The following BMPR1B variants were observed in gnomAD, a reference collection of about 807,000 sequenced individuals.
BMPR1B encodes bone morphogenetic protein receptor type-1B.
BMPR1B carries 12 observed loss-of-function variants against 59.1 expected under a neutral mutation model. That is an observed-to-expected ratio of 0.20 (90% CI 0.13 to 0.33). BMPR1B has a LOEUF of 0.33. Ranked by LOEUF, BMPR1B falls within the 10% of genes least tolerant of loss-of-function variation. BMPR1B has a pLI of 1.00. For synonymous variants in BMPR1B, 237 were observed against 207.3 expected (o/e 1.14, Z -1.23); for missense variants, 550 against 610.9 (o/e 0.90, Z 1.05).
chr4:95,033,429 T>C (rs1189134286), intron 3 of BMPR1B, among the ~76,000 whole-genome samples: 1 of 152,152 alleles, frequency 6.6e-6, no homozygotes, highest in Admixed American at 6.6e-5. Context: ...TTAGCTCTTA[T>C]GTTTAGGTCT....
intron 1 of BMPR1B, among the ~76,000 whole-genome samples, chr4:94,759,888 AAATT>A (rs2110553151): frequency 6.6e-6 from 1 of 152,316 alleles, no homozygotes; most frequent in South Asian, 2.1e-4. Flanking sequence ...CATAGCTGGG[AAATT>A]AATTGCTCTG....
chr4:95,084,810 G>T (rs757291705), intron 3 of BMPR1B, among the ~76,000 whole-genome samples: 1 of 152,070 alleles, frequency 6.6e-6, no homozygotes, highest in Non-Finnish European at 1.5e-5. Context: ...CAAATGTATC[G>T]TGAGAACCTG....
intron 2 of BMPR1B, among the ~76,000 whole-genome samples, chr4:94,936,053 T>A (rs1729282791): frequency 6.6e-6 from 1 of 152,170 alleles, no homozygotes; most frequent in Admixed American, 6.5e-5. Flanking sequence ...CTTGAAGTGA[T>A]GTGCCTTGTA....
At chr4:95,049,896 G>C (rs1318980808) in intron 3 of BMPR1B, among the ~76,000 whole-genome samples, 10 of 152,054 alleles carry the variant, frequency 6.6e-5, no homozygotes, top group Non-Finnish European at 7.4e-5. Context: ...AATCAGAAAT[G>C]GTTGCTGATA....
intron 2 of BMPR1B, among the ~76,000 whole-genome samples, chr4:94,980,565 A>G (rs1731197963): frequency 6.6e-6 from 1 of 152,050 alleles, no homozygotes; most frequent in Non-Finnish European, 1.5e-5. Flanking sequence ...AGATGTGTGC[A>G]TTAGGTGAAT....
chr4:94,815,004 A>C (rs1420680937), intron 1 of BMPR1B, among the ~76,000 whole-genome samples: 10 of 152,000 alleles, frequency 6.6e-5, no homozygotes, highest in Non-Finnish European at 1.5e-4. Context: ...CCTAGGTTCA[A>C]GCTATTCTCC....
intron 2 of BMPR1B, among the ~76,000 whole-genome samples, chr4:94,925,980 C>CCTCCCTCCCCTTTCCTCCTCTTT (rs1728869970): frequency 1.3e-5 from 2 of 149,510 alleles, no homozygotes; most frequent in Non-Finnish European, 3.0e-5. Flanking sequence ...CTCCTCCCTT[C>CCTCCCTCCCCTTTCCTCCTCTTT]CTCCCTCCCC....
chr4:94,930,035 T>C (rs535093095), intron 2 of BMPR1B, among the ~76,000 whole-genome samples: 2 of 152,220 alleles, frequency 1.3e-5, no homozygotes, highest in East Asian at 3.9e-4. Context: ...TTAATACTTC[T>C]CAGGTATGTC....
At chr4:95,130,160 A>C in intron 9 of BMPR1B, 106 bp downstream of exon 9, 3 of 1,368,174 alleles carry the variant, frequency 2.2e-6, no homozygotes, top group Non-Finnish European at 3.1e-6. Flanking sequence ...TGCGAAATGT[A>C]TTGAAGTTTT....
chr4:94,856,850 T>C (rs1473510504), intron 1 of BMPR1B, among the ~76,000 whole-genome samples: 2 of 152,214 alleles, frequency 1.3e-5, no homozygotes, highest in African/African-American at 2.4e-5. Flanking sequence ...TTTGAAATAT[T>C]TGTAATGACT....
chr4:95,099,298 A>G (rs1187518001), intron 3 of BMPR1B, among the ~76,000 whole-genome samples: 2 of 152,128 alleles, frequency 1.3e-5, no homozygotes, highest in African/African-American at 4.8e-5. Flanking sequence ...CCACATCAGG[A>G]TATGTGACTA....
intron 2 of BMPR1B, among the ~76,000 whole-genome samples, chr4:94,975,128 G>A (rs192232008): frequency 6.6e-6 from 1 of 152,164 alleles, no homozygotes; most frequent in Admixed American, 6.5e-5. Flanking sequence ...CTCAGGATGT[G>A]GGCTTTGGTG....
At chr4:94,853,394 T>C (rs1725635634) in intron 1 of BMPR1B, among the ~76,000 whole-genome samples, 1 of 152,166 alleles carries the variant, frequency 6.6e-6, no homozygotes, top group African/African-American at 2.4e-5. Context: ...ATATCAAAGA[T>C]TGAACTACTT....
At chr4:94,937,321 G>T (rs567160788) in intron 2 of BMPR1B, among the ~76,000 whole-genome samples, 1 of 152,022 alleles carries the variant, frequency 6.6e-6, no homozygotes, top group East Asian at 1.9e-4. Flanking sequence ...CTGTCTTCCC[G>T]TATTAATGCC....
intron 2 of BMPR1B, among the ~76,000 whole-genome samples, chr4:94,900,338 CAAAAA>C (rs34541975): frequency 9.1e-6 from 1 of 110,226 alleles, no homozygotes. Context: ...AAGTGGCCAG[CAAAAA>C]AAAAAAAAAA....
chr4:94,814,146 A>T (rs1723924601), intron 1 of BMPR1B, among the ~76,000 whole-genome samples: 1 of 152,234 alleles, frequency 6.6e-6, no homozygotes, highest in Non-Finnish European at 1.5e-5. Flanking sequence ...TTAAATACTT[A>T]AAAAGATTAT....
intron 2 of BMPR1B, among the ~76,000 whole-genome samples, chr4:94,948,434 C>T (rs1729800006): frequency 6.6e-6 from 1 of 152,046 alleles, no homozygotes; most frequent in Admixed American, 6.6e-5. Context: ...GGTTTCCAAG[C>T]CAAATATATG....
intron 3 of BMPR1B, among the ~76,000 whole-genome samples, chr4:95,093,246 G>T (rs923625678): frequency 1.3e-5 from 2 of 152,052 alleles, no homozygotes; most frequent in Non-Finnish European, 2.9e-5. Flanking sequence ...TAAACAAGTT[G>T]TGTTTTAGAG....
At chr4:94,831,650 A>T (rs1269373604) in intron 1 of BMPR1B, among the ~76,000 whole-genome samples, 1 of 152,206 alleles carries the variant, frequency 6.6e-6, no homozygotes, top group South Asian at 2.1e-4. Context: ...ATGTTAAAAT[A>T]CACAAATACC....
Sources: allele counts gnomAD v4.1 joint callset (sites outside exome capture counted in the v4.1 genomes callset), GRCh38; gene constraint gnomAD v4.1.1; transcripts MANE v1.5; gene names NCBI Gene and HGNC (gene_info 2026-07-23, HGNC 2026-07-21).